Variants in CELF2 observed in about 807,000 individuals in gnomAD.
CELF2 encodes CUGBP Elav-like family member 2, also known as CUG triplet repeat RNA-binding protein 2.
CELF2 carries 8 observed loss-of-function variants against 62.6 expected under a neutral mutation model. The ratio of observed to expected loss-of-function variants is 0.13; its 90% confidence interval spans 0.07 to 0.23. The LOEUF is 0.23. Ranked by LOEUF, CELF2 falls within the 10% of genes least tolerant of loss-of-function variation. The pLI, the probability that CELF2 is intolerant of heterozygous loss-of-function variation, is 1.00. For synonymous variants in CELF2, 258 were observed against 250.0 expected (o/e 1.03, Z -0.30); for missense variants, 333 against 671.0 (o/e 0.50, Z 5.56).
the CELF2 span, among the ~76,000 whole-genome samples, chr10:10,646,152 T>G: frequency 6.6e-6 from 1 of 152,184 alleles, no homozygotes; most frequent in South Asian, 2.1e-4. Context: ...AGACAGGGCA[T>G]CTGAGATCAT....
chr10:10,933,210 G>A (rs1231705682), intron 2 of CELF2, among the ~76,000 whole-genome samples: 1 of 152,090 alleles, frequency 6.6e-6, no homozygotes, highest in Non-Finnish European at 1.5e-5. Context: ...GGCTGAGGTG[G>A]GAGGATCTCT....
intron 1 of CELF2, among the ~76,000 whole-genome samples, chr10:10,807,051 A>G (rs958803279): frequency 4.6e-5 from 7 of 152,222 alleles, no homozygotes; most frequent in African/African-American, 1.4e-4. Flanking sequence ...TGATATTTAT[A>G]TAAGTGCAGC....
intron 1 of CELF2, among the ~76,000 whole-genome samples, chr10:10,916,174 A>C (rs1012305304): frequency 6.6e-6 from 1 of 152,222 alleles, no homozygotes; most frequent in African/African-American, 2.4e-5. Context: ...ACTGTTTAAC[A>C]GTAGTAAACA....
chr10:11,029,438 C>T (rs895321976), intron 1 of CELF2, among the ~76,000 whole-genome samples: 6 of 152,148 alleles, frequency 3.9e-5, no homozygotes, highest in African/African-American at 1.2e-4. Flanking sequence ...CCTAAAGCCT[C>T]GGTGTGTGAA....
At position 11,321,129 on chromosome 10, in the gene CELF2, T is replaced by G; in HGVS notation, c.1097-60T>G. The G allele has an allele frequency of 1.9e-6, 3 of 1,554,684 alleles. No homozygotes were observed. Among genetic ancestry groups the G allele is most frequent in the Non-Finnish European group, 2.7e-6 (3 of 1,127,264 alleles). ...TGTTTAAATGATTCTCTAACTTCCT[T>G]TGGAAAGCACTAATGAATAAGTGCT... On this transcript the variant is annotated intron_variant, in intron 10 of 12. Coordinates refer to ENST00000633077, the MANE Select transcript of CELF2 (RefSeq NM_001326342.2). This position sits in a 1 kb window ranked among gnomAD's most constrained non-coding sequence, Gnocchi z 6.2.
chr10:11,179,691 G>C (rs999747053), intron 2 of CELF2, among the ~76,000 whole-genome samples: 1 of 152,178 alleles, frequency 6.6e-6, no homozygotes, highest in African/African-American at 2.4e-5. Flanking sequence ...AGGAACATGA[G>C]GGTATGTGTG....
the CELF2 span, among the ~76,000 whole-genome samples, chr10:10,555,797 A>G: frequency 5.3e-5 from 8 of 152,164 alleles, no homozygotes; most frequent in Admixed American, 5.2e-4. Flanking sequence ...AAGATTTTAA[A>G]GTGAAGTTCA....
intron 9 of CELF2, among the ~76,000 whole-genome samples, chr10:11,299,604 T>C (rs916001136): frequency 3.3e-5 from 5 of 152,200 alleles, no homozygotes; most frequent in South Asian, 2.1e-4. Context: ...GCTGCTGTTA[T>C]GTATCCAACT....
At chr10:10,541,260 A>AG in the CELF2 span, among the ~76,000 whole-genome samples, 1 of 145,532 alleles carries the variant, frequency 6.9e-6, no homozygotes, top group Admixed American at 6.8e-5. Flanking sequence ...AAAAAAAAAA[A>AG]GACCCACACA....
At chr10:11,248,636 A>G (rs552564046) in intron 3 of CELF2, among the ~76,000 whole-genome samples, 2 of 152,384 alleles carry the variant, frequency 1.3e-5, no homozygotes, top group Non-Finnish European at 2.9e-5. Flanking sequence ...TAATTTTATA[A>G]TAATTTTTAT....
At position 11,078,808 on chromosome 10, in the gene CELF2, C is replaced by T. The variant is rs11594164; in HGVS notation, c.74+60645C>T. Among the ~76,000 whole-genome samples, 388 of 152,288 alleles carry T rather than the reference C, an allele frequency of 2.5e-3. 1 individual carries two copies. The highest frequency in any genetic ancestry group is 4.5e-3 in the Non-Finnish European group (303 of 68,022). On this transcript the variant is annotated intron_variant, in intron 1 of 12. Transcript: ENST00000633077. The stretch of plus-strand genomic sequence containing the variant: ...GCAAGAAAAGACTCTAAACCTTTGG[C>T]TGTCCAGTGGTTGCTGTCTGGGAGT...
rs567659549 is a variant in CELF2, at chr10:11,119,507, A to G, written c.75-45979A>G. 1.4e-4 allele frequency among the ~76,000 whole-genome samples: 22 copies of G among 152,360 alleles called. No individual in the cohort carries two copies. In the South Asian group the frequency reaches 2.7e-3, roughly 19 times the overall value. ...GGTTTTCTCTAGCATAGGCTTACCC[A>G]TTAATAACTTATTTAATCAATTCCA... On this transcript the variant is annotated intron_variant, in intron 1 of 12. Coordinates refer to ENST00000633077, the MANE Select transcript of CELF2 (RefSeq NM_001326342.2).
upstream of CELF2, chr10:11,005,284 GA>G (rs1465024075): frequency 6.3e-6 from 10 of 1,596,362 alleles, no homozygotes; most frequent in Non-Finnish European, 6.8e-6. This position sits in a 1 kb window ranked among gnomAD's most constrained non-coding sequence, Gnocchi z 4.3. Context: ...GAGAGAGAGA[GA>G]GAGAGAGAGG....
intron 1 of CELF2, among the ~76,000 whole-genome samples, chr10:10,897,268 A>C (rs1372019329): frequency 6.6e-6 from 1 of 152,210 alleles, no homozygotes; most frequent in Non-Finnish European, 1.5e-5. Flanking sequence ...GAAATATGTT[A>C]TCAGGCATGA....
At chr10:10,648,532 A>G in the CELF2 span, among the ~76,000 whole-genome samples, 3 of 152,330 alleles carry the variant, frequency 2.0e-5, no homozygotes, top group Admixed American at 2.0e-4. Context: ...CCCATCAGCC[A>G]AAGCGAAAGA....
chr10:11,094,514 T>C (rs1410370401), intron 1 of CELF2, among the ~76,000 whole-genome samples: 1 of 152,204 alleles, frequency 6.6e-6, no homozygotes, highest in Non-Finnish European at 1.5e-5. Context: ...TTTCCAACCT[T>C]CTCATACTGA....
At chr10:10,675,711 A>G in the CELF2 span, among the ~76,000 whole-genome samples, 1 of 152,052 alleles carries the variant, frequency 6.6e-6, no homozygotes, top group African/African-American at 2.4e-5. Flanking sequence ...TCTCAAACTC[A>G]GAGATGTTTC....
At chr10:10,485,074 A>AT in the CELF2 span, among the ~76,000 whole-genome samples, 11 of 152,054 alleles carry the variant, frequency 7.2e-5, no homozygotes, top group African/African-American at 2.7e-4. Flanking sequence ...GCCCAGTAAT[A>AT]TTTTTTTACA....
At position 11,242,198 on chromosome 10, in the gene CELF2, GT is replaced by G. The variant is rs1476795605; in HGVS notation, c.355-6954del. 6.6e-6 allele frequency among the ~76,000 whole-genome samples: 1 copy of G among 152,166 alleles called. No homozygotes were observed. ...CAGGATGGGTTTAATAATGAGATGCGTAACAGTGACTCTGTAAAAACCCATT... is the reference window on the plus strand; with the variant it reads ...CAGGATGGGTTTAATAATGAGATGCGAACAGTGACTCTGTAAAAACCCATT... On this transcript the variant is annotated intron_variant, in intron 3 of 12. Coordinates refer to ENST00000633077, the MANE Select transcript of CELF2 (RefSeq NM_001326342.2). The surrounding 1 kb of genome is among the most constrained non-coding windows in gnomAD (Gnocchi z 4.8).
Sources: gnomAD v4.1 joint callset for allele counts (sites outside exome capture counted in the v4.1 genomes callset) on GRCh38, gnomAD v4.1.1 for gene constraint, Gnocchi (gnomAD v3.1) non-coding constraint, MANE v1.5 for transcripts, NCBI Gene and HGNC (gene_info 2026-07-23, HGNC 2026-07-21) for gene names.